The following OR51B5 variants were observed in gnomAD, a reference collection of about 807,000 sequenced individuals.
The protein encoded by OR51B5 is olfactory receptor 51B5.
For synonymous variants in OR51B5, 186 were observed against 144.8 expected (o/e 1.28, Z -2.04); for missense variants, 456 against 374.6 (o/e 1.22, Z -1.79).
chr11:5,487,664 C>T (rs1851517377), intron 1 of OR51B5, among the ~76,000 whole-genome samples: 1 of 152,188 alleles, frequency 6.6e-6, no homozygotes, highest in Non-Finnish European at 1.5e-5. Flanking sequence ...ACAGCAAGAA[C>T]AGAATCCCCT....
intron 1 of OR51B5, among the ~76,000 whole-genome samples, chr11:5,465,178 C>G (rs1420103235): frequency 6.8e-5 from 8 of 118,500 alleles, no homozygotes; most frequent in Non-Finnish European, 1.3e-4. Context: ...TGCACTCCAG[C>G]CTGGGCGACA....
At chr11:5,347,528 G>C (rs1000580492), upstream of OR51B5, among the ~76,000 whole-genome samples, 3 of 152,172 alleles carry the variant, frequency 2.0e-5, no homozygotes, top group Non-Finnish European at 4.4e-5. Flanking sequence ...ACATCACTTT[G>C]TGATGGCAAT....
intron 1 of OR51B5, among the ~76,000 whole-genome samples, chr11:5,466,260 A>G (rs1323772873): frequency 6.6e-6 from 1 of 152,230 alleles, no homozygotes; most frequent in Non-Finnish European, 1.5e-5. Flanking sequence ...TCTGTTAATT[A>G]GGGAATTAGG....
chr11:5,389,262 C>T (rs1849751145), intron 1 of OR51B5: 26 of 842,678 alleles, frequency 3.1e-5, no homozygotes, highest in Non-Finnish European at 4.7e-5. Context: ...GTGAGATTGG[C>T]AGAATTCATA....
At chr11:5,372,662 G>A (rs1338882394) in intron 1 of OR51B5, among the ~76,000 whole-genome samples, 2 of 152,092 alleles carry the variant, frequency 1.3e-5, no homozygotes, top group Admixed American at 6.6e-5. Flanking sequence ...TTGGGTATTA[G>A]ACTTGTATCA....
At chr11:5,419,423 A>G (rs1850296390) in intron 1 of OR51B5, among the ~76,000 whole-genome samples, 1 of 152,212 alleles carries the variant, frequency 6.6e-6, no homozygotes. Flanking sequence ...GGATTCAACC[A>G]ATCTTGGGTC....
At chr11:5,486,182 C>T (rs2133811621) in intron 1 of OR51B5, among the ~76,000 whole-genome samples, 1 of 152,246 alleles carries the variant, frequency 6.6e-6, no homozygotes, top group East Asian at 1.9e-4. Flanking sequence ...TGGTGACAGC[C>T]CTAGCAAACT....
At chr11:5,453,529 T>C (rs768307813) in intron 1 of OR51B5, 2 of 1,590,614 alleles carry the variant, frequency 1.3e-6, no homozygotes, top group Non-Finnish European at 1.7e-6. Context: ...TTCTTCCTCC[T>C]GACTGGTATC....
chr11:5,421,346 G>A (rs1482050275), intron 1 of OR51B5, among the ~76,000 whole-genome samples: 1 of 152,230 alleles, frequency 6.6e-6, no homozygotes, highest in Admixed American at 6.5e-5. Context: ...GTACCTCCAA[G>A]GCAGGAGAAA....
chr11:5,417,456 G>A (rs36161074), intron 1 of OR51B5, among the ~76,000 whole-genome samples: 9,361 of 150,218 alleles, frequency 0.062, 551 homozygotes, highest in East Asian at 0.37. Context: ...GATCTTCTGC[G>A]CAGCAAAAGA....
chr11:5,341,031 A>G (rs1373804743), downstream of OR51B5: 2 of 152,262 alleles, frequency 1.3e-5, no homozygotes, highest in Non-Finnish European at 2.9e-5. Flanking sequence ...AACATGATAA[A>G]GCTGATTTTT....
intron 1 of OR51B5, among the ~76,000 whole-genome samples, chr11:5,420,566 C>A (rs1398916029): frequency 6.6e-6 from 1 of 151,586 alleles, no homozygotes; most frequent in Non-Finnish European, 1.5e-5. Flanking sequence ...TTAAATTTTA[C>A]CATTTTTTGC....
chr11:5,489,368 A>T (rs7950082), intron 1 of OR51B5: 184,685 of 1,613,762 alleles, frequency 0.11, 11,151 homozygotes, highest in Middle Eastern at 0.16. Context: ...GCCATTTCCT[A>T]TGGCTTTATC....
intron 1 of OR51B5, among the ~76,000 whole-genome samples, chr11:5,374,905 C>T (rs1849500074): frequency 6.6e-6 from 1 of 152,022 alleles, no homozygotes; most frequent in South Asian, 2.1e-4. Context: ...TTGGAAAACA[C>T]TCTGCAGGAT....
chr11:5,399,713 T>A (rs1849938113), intron 1 of OR51B5, among the ~76,000 whole-genome samples: 1 of 150,700 alleles, frequency 6.6e-6, no homozygotes, highest in Non-Finnish European at 1.5e-5. Flanking sequence ...TTCAAGGAGA[T>A]CTGACCCTTA....
At chr11:5,495,534 CTCA>C (rs1372283663) in intron 1 of OR51B5, among the ~76,000 whole-genome samples, 5 of 152,118 alleles carry the variant, frequency 3.3e-5, no homozygotes, top group African/African-American at 1.2e-4. Flanking sequence ...TTAAAATAGA[CTCA>C]TGTTTTATGC....
At chr11:5,342,463 C>G, downstream of OR51B5, 1 of 1,186,660 alleles carries the variant, frequency 8.4e-7, no homozygotes, top group South Asian at 1.9e-5. Flanking sequence ...AAACTTGAAG[C>G]TGTATTTTAA....
chr11:5,464,962 T>G (rs1851115031), intron 1 of OR51B5, among the ~76,000 whole-genome samples: 2 of 152,086 alleles, frequency 1.3e-5, no homozygotes, highest in Non-Finnish European at 2.9e-5. Context: ...ATCCCAGCAC[T>G]TTGGGAGGCC....
At chr11:5,496,252 C>T (rs561362646) in intron 1 of OR51B5, among the ~76,000 whole-genome samples, 6 of 39,622 alleles carry the variant, frequency 1.5e-4, no homozygotes, top group South Asian at 9.0e-4. Context: ...CATAGGGCCC[C>T]TTGCATGGCA....
Sources: gnomAD v4.1 joint callset for allele counts (sites outside exome capture counted in the v4.1 genomes callset) on GRCh38, gnomAD v4.1.1 for gene constraint, MANE v1.5 for transcripts, NCBI Gene and HGNC (gene_info 2026-07-23, HGNC 2026-07-21) for gene names.